The following TXN2 variants were observed in gnomAD, a reference collection of about 807,000 sequenced individuals.
The protein encoded by TXN2 is thioredoxin, mitochondrial.
TXN2 carries 12 observed loss-of-function variants against 14.6 expected under a neutral mutation model. The ratio of observed to expected loss-of-function variants is 0.82; its 90% CI spans 0.53 to 1.33. The LOEUF is 1.33. Among genes scored for constraint, TXN2 ranks in the 40% most tolerant of loss-of-function variants. The probability of loss-of-function intolerance (pLI) is 0.00; values close to 1 mark genes in which losing one functional copy is unlikely to be tolerated. For missense variants in TXN2, 173 were observed against 207.7 expected (o/e 0.83, Z 1.03); for synonymous variants, 89 against 81.0 (o/e 1.10, Z -0.53).
chr22:36,470,223 C>T (rs1425272655), intron 3 of TXN2, among the ~76,000 whole-genome samples: 1 of 152,232 alleles, frequency 6.6e-6, no homozygotes, highest in Non-Finnish European at 1.5e-5. Context: ...CTGCACCCCA[C>T]TCCTCACGGA....
rs1012725859 is a variant in TXN2 at position 36,468,020 on chromosome 22, C to G, written c.388-103G>C. The G allele has an allele frequency of 1.4e-5, 14 of 968,568 alleles. No individual in the cohort carries two copies. The African/African-American group carries it at 2.2e-4, about 15-fold the overall frequency. 60.0% of individuals were successfully genotyped at this position (968,568 alleles called of 1,614,324 possible). ...GAAGGCTGGTGGCTTATCCAGGGCA[C>G]TGACTTCCCAAAGCCATGGGCAGGC... On this transcript the variant is annotated intron_variant, in intron 3 of 3. Coordinates refer to ENST00000216185, the MANE Select transcript of TXN2 (RefSeq NM_012473.4).
intron 2 of TXN2, among the ~76,000 whole-genome samples, chr22:36,479,394 C>T (rs1326473484): frequency 2.0e-5 from 3 of 150,656 alleles, no homozygotes; most frequent in Non-Finnish European, 3.0e-5. Context: ...TGCAATGGCG[C>T]GATCTCAGCT....
chr22:36,469,079 T>C (rs908945686), intron 3 of TXN2, among the ~76,000 whole-genome samples: 1 of 150,874 alleles, frequency 6.6e-6, no homozygotes, highest in Non-Finnish European at 1.5e-5. Flanking sequence ...AATACATAAA[T>C]AAAGCAGAGC....
At chr22:36,469,075 T>C (rs576767075) in intron 3 of TXN2, among the ~76,000 whole-genome samples, 27 of 148,666 alleles carry the variant, frequency 1.8e-4, no homozygotes, top group Non-Finnish European at 2.5e-4. Flanking sequence ...AATAAATACA[T>C]AAATAAAGCA....
chr22:36,469,960 C>A (rs1010367624), intron 3 of TXN2, among the ~76,000 whole-genome samples: 3 of 152,058 alleles, frequency 2.0e-5, no homozygotes, highest in Non-Finnish European at 4.4e-5. Flanking sequence ...TGTTCCCCCC[C>A]TCAAAATAAA....
chr22:36,478,965 G>GA (rs1192020198), intron 2 of TXN2, among the ~76,000 whole-genome samples: 3 of 150,346 alleles, frequency 2.0e-5, no homozygotes, highest in Non-Finnish European at 3.0e-5. Flanking sequence ...AACAAAAAAG[G>GA]AAAAAAAACC....
chr22:36,480,489 T>C (rs983616730), intron 2 of TXN2, 86 bp downstream of exon 2: 39 of 1,538,652 alleles, frequency 2.5e-5, no homozygotes, highest in African/African-American at 1.4e-4. Flanking sequence ...ATGAGCAGCA[T>C]AGAACATGGC....
At chr22:36,470,031 AAAGT>A (rs1933241419) in intron 3 of TXN2, among the ~76,000 whole-genome samples, 1 of 152,218 alleles carries the variant, frequency 6.6e-6, no homozygotes. Flanking sequence ...ATTAAACTAC[AAAGT>A]AAGAGCAGAG....
At chr22:36,474,799 T>C (rs951074511) in intron 3 of TXN2, among the ~76,000 whole-genome samples, 1 of 152,198 alleles carries the variant, frequency 6.6e-6, no homozygotes, top group Non-Finnish European at 1.5e-5. Context: ...GGCTGCATTA[T>C]GCTTTCCCCA....
At chr22:36,475,817 A>T (rs956486944) in intron 3 of TXN2, among the ~76,000 whole-genome samples, 2 of 152,162 alleles carry the variant, frequency 1.3e-5, no homozygotes, top group African/African-American at 4.8e-5. Flanking sequence ...AGACAAACCA[A>T]CCAACCAAGT....
At chr22:36,478,277 G>A (rs1340372829) in intron 2 of TXN2, among the ~76,000 whole-genome samples, 2 of 152,108 alleles carry the variant, frequency 1.3e-5, no homozygotes, top group Admixed American at 6.6e-5. Flanking sequence ...GACAGGCCTG[G>A]TGCTGTCATC....
intron 1 of TXN2, chr22:36,481,088 G>T (rs1933492600): frequency 2.4e-6 from 1 of 417,968 alleles, no homozygotes; most frequent in Non-Finnish European, 4.3e-6. Context: ...GATTATAACG[G>T]AAGAATGGGA....
In TXN2 at chr22:36,480,702, G is replaced by T. The variant is rs148453808; in HGVS notation, c.136C>A (p.Pro46Thr). 9.9e-6 allele frequency: 16 copies of T among 1,614,038 alleles called. No individual in the cohort carries two copies. The highest frequency in any genetic ancestry group is 1.4e-5 in the Non-Finnish European group (16 of 1,180,038). The stretch of plus-strand genomic sequence containing the variant: ...GTGTATATTGTCCGGGCTGGGTTGG[G>T]TGTTACAGTCAGGCCACCAGGACTG... ...QCSPGGLTVTPNPARTIYTTR... is the reference protein window; with the variant it reads ...QCSPGGLTVTTNPARTIYTTR... The change falls in exon 2 of 4, where the codon CCC (proline) becomes ACC (threonine). Residue 46 changes from proline to threonine, a missense_variant. Transcript: ENST00000216185.
intron 3 of TXN2, among the ~76,000 whole-genome samples, chr22:36,470,286 G>T (rs1933246424): frequency 6.6e-6 from 1 of 152,220 alleles, no homozygotes; most frequent in South Asian, 2.1e-4. Context: ...GTCCTTGTTA[G>T]TGCCTCAGGC....
intron 3 of TXN2, among the ~76,000 whole-genome samples, chr22:36,471,142 G>A (rs941383126): frequency 5.3e-5 from 8 of 152,182 alleles, no homozygotes; most frequent in Non-Finnish European, 8.8e-5. Context: ...TTACATGGAA[G>A]TGCACAGGGC....
intron 3 of TXN2, among the ~76,000 whole-genome samples, chr22:36,475,597 C>T (rs548873312): frequency 1.3e-5 from 2 of 152,316 alleles, no homozygotes; most frequent in South Asian, 4.1e-4. Context: ...ACGAGCCCAG[C>T]TGAATGGTTG....
chr22:36,476,180 T>A (rs1038601951), intron 3 of TXN2, among the ~76,000 whole-genome samples: 11 of 152,134 alleles, frequency 7.2e-5, no homozygotes, highest in Admixed American at 7.2e-4. Context: ...TGTCTGAGAC[T>A]AAGTGAATGA....
At position 36,467,747 on chromosome 22, in the gene TXN2, G is replaced by T; in HGVS notation, c.*57C>A. On this transcript the variant is annotated 3_prime_UTR_variant, in exon 4 of 4. Coordinates refer to ENST00000216185, the MANE Select transcript of TXN2 (RefSeq NM_012473.4). ...GCAGCAGGAAGGGCTGGCATGGAAG[G>T]GCTGAGTTCTATTGGGGTCCCACGC... 1 of 1,439,214 alleles carries T rather than the reference G, an allele frequency of 6.9e-7. No individual in the cohort carries two copies. Among genetic ancestry groups the T allele is most frequent in the Non-Finnish European group, 9.8e-7 (1 of 1,023,126 alleles). 89.2% of individuals were successfully genotyped at this position (1,439,214 alleles called of 1,614,324 possible). A position where few individuals can be genotyped will look rare whatever the true frequency, so the allele number is the denominator to read the frequency against.
At chr22:36,473,299 T>C (rs1018141334) in intron 3 of TXN2, among the ~76,000 whole-genome samples, 11 of 152,074 alleles carry the variant, frequency 7.2e-5, no homozygotes, top group South Asian at 2.1e-4. Flanking sequence ...AAAAATTAGC[T>C]GGGCGTGGTC....
Sources: gnomAD v4.1 joint callset for allele counts (sites outside exome capture counted in the v4.1 genomes callset) on GRCh38, gnomAD v4.1.1 for gene constraint, MANE v1.5 for transcripts, NCBI Gene and HGNC (gene_info 2026-07-23, HGNC 2026-07-21) for gene names.